Variants in SLC9A9 observed in about 807,000 individuals in gnomAD.
SLC9A9 encodes sodium/hydrogen exchanger 9.
SLC9A9 carries 62 observed loss-of-function variants against 77.8 expected under a neutral mutation model. That is an observed-to-expected ratio of 0.80 (90% CI 0.65 to 0.98). The LOEUF (loss-of-function observed/expected upper bound fraction) is 0.98. Ranked by LOEUF, SLC9A9 falls within the 50% of genes least tolerant of loss-of-function variation. The pLI, the probability that SLC9A9 is intolerant of heterozygous loss-of-function variation, is 0.00. For missense variants in SLC9A9, 775 were observed against 774.9 expected (o/e 1.00, Z 0.00); for synonymous variants, 320 against 283.5 (o/e 1.13, Z -1.29).
At chr3:143,571,001 AT>A (rs1019868394) in intron 8 of SLC9A9, among the ~76,000 whole-genome samples, 2 of 152,018 alleles carry the variant, frequency 1.3e-5, no homozygotes, top group African/African-American at 4.8e-5. Flanking sequence ...GTAGCAGAAC[AT>A]TTTTTTTCAA....
intron 4 of SLC9A9, among the ~76,000 whole-genome samples, chr3:143,782,209 A>G (rs529860581): frequency 1.3e-5 from 2 of 152,342 alleles, no homozygotes; most frequent in East Asian, 3.9e-4. Flanking sequence ...TATGGATTAA[A>G]TGCTGGTTAA....
At chr3:143,401,099 G>A (rs1193679231) in intron 12 of SLC9A9, among the ~76,000 whole-genome samples, 1 of 152,142 alleles carries the variant, frequency 6.6e-6, no homozygotes, top group Non-Finnish European at 1.5e-5. Flanking sequence ...CATCAATTGG[G>A]TTATCGTGCT....
intron 14 of SLC9A9, among the ~76,000 whole-genome samples, chr3:143,289,580 C>A (rs981598039): frequency 6.6e-6 from 1 of 152,152 alleles, no homozygotes; most frequent in Non-Finnish European, 1.5e-5. Context: ...CTACCTCCAA[C>A]TCTTTCCTCT....
intron 4 of SLC9A9, among the ~76,000 whole-genome samples, chr3:143,763,952 G>A (rs1354089104): frequency 6.6e-6 from 1 of 151,916 alleles, no homozygotes; most frequent in Non-Finnish European, 1.5e-5. Context: ...TATTTCCTGG[G>A]TTACCATTAA....
intron 12 of SLC9A9, among the ~76,000 whole-genome samples, chr3:143,395,524 G>T (rs1356304810): frequency 6.6e-6 from 1 of 152,152 alleles, no homozygotes; most frequent in Non-Finnish European, 1.5e-5. Context: ...ATACCATTCA[G>T]AACACAGGCA....
chr3:143,381,118 C>A (rs955039443), intron 13 of SLC9A9, among the ~76,000 whole-genome samples: 1 of 152,168 alleles, frequency 6.6e-6, no homozygotes, highest in Non-Finnish European at 1.5e-5. Context: ...TCTACTTTGA[C>A]GTTAGGTTCA....
At chr3:143,822,494 A>G (rs1338635823) in intron 2 of SLC9A9, among the ~76,000 whole-genome samples, 2 of 152,190 alleles carry the variant, frequency 1.3e-5, no homozygotes, top group Admixed American at 6.5e-5. Flanking sequence ...GGCAAGCTTA[A>G]AAGGCAACAA....
intron 1 of SLC9A9, among the ~76,000 whole-genome samples, chr3:143,839,927 A>G (rs2009665415): frequency 6.6e-6 from 1 of 152,232 alleles, no homozygotes; most frequent in Non-Finnish European, 1.5e-5. Context: ...ACTCTTTAGT[A>G]AAGGGAGATG....
chr3:143,471,423 C>T (rs899488087), intron 11 of SLC9A9, among the ~76,000 whole-genome samples: 2 of 152,084 alleles, frequency 1.3e-5, no homozygotes, highest in Non-Finnish European at 2.9e-5. Context: ...CTTCTTAATG[C>T]TATGGTTTTG....
At chr3:143,546,824 C>G (rs112537862) in intron 9 of SLC9A9, among the ~76,000 whole-genome samples, 1 of 152,156 alleles carries the variant, frequency 6.6e-6, no homozygotes, top group South Asian at 2.1e-4. Flanking sequence ...AAGATATTTT[C>G]TTTGGTCCTA....
intron 11 of SLC9A9, among the ~76,000 whole-genome samples, chr3:143,477,748 A>G (rs1045084241): frequency 6.6e-6 from 1 of 152,202 alleles, no homozygotes; most frequent in African/African-American, 2.4e-5. Flanking sequence ...GTGTCTCTGT[A>G]GAATCACAGA....
At chr3:143,457,693 A>AT (rs2035118798) in intron 12 of SLC9A9, among the ~76,000 whole-genome samples, 1 of 152,052 alleles carries the variant, frequency 6.6e-6, no homozygotes. Context: ...TTCTCTTGAG[A>AT]TTTTATCTTT....
chr3:143,632,643 C>A (rs2038446667), intron 6 of SLC9A9, among the ~76,000 whole-genome samples: 1 of 151,980 alleles, frequency 6.6e-6, no homozygotes, highest in African/African-American at 2.4e-5. Context: ...AAATTGAATA[C>A]CTCTTGAATA....
intron 14 of SLC9A9, among the ~76,000 whole-genome samples, chr3:143,350,311 G>GC (rs1559878446): frequency 6.6e-6 from 1 of 152,044 alleles, no homozygotes; most frequent in Non-Finnish European, 1.5e-5. Flanking sequence ...CATAATTGAG[G>GC]CCCCCGTGAC....
intron 4 of SLC9A9, among the ~76,000 whole-genome samples, chr3:143,745,769 C>T (rs1935186059): frequency 2.6e-5 from 4 of 152,052 alleles, no homozygotes. Flanking sequence ...TAAGGTCCTG[C>T]CTCAAAGAAA....
At chr3:143,368,216 AG>A (rs1262907108) in intron 13 of SLC9A9, among the ~76,000 whole-genome samples, 1 of 152,152 alleles carries the variant, frequency 6.6e-6, no homozygotes, top group African/African-American at 2.4e-5. Flanking sequence ...GTTTTCTTTT[AG>A]GTGATCCCCT....
At chr3:143,733,068 C>T (rs1364804004) in intron 4 of SLC9A9, among the ~76,000 whole-genome samples, 3 of 152,136 alleles carry the variant, frequency 2.0e-5, no homozygotes, top group Non-Finnish European at 4.4e-5. Flanking sequence ...TAATTTCTTT[C>T]ATGAACTATT....
chr3:143,652,962 A>T (rs1460240931), intron 5 of SLC9A9, among the ~76,000 whole-genome samples: 1 of 152,164 alleles, frequency 6.6e-6, no homozygotes, highest in African/African-American at 2.4e-5. Flanking sequence ...CACAGAAAGG[A>T]CTGGGAGCTC....
intron 4 of SLC9A9, among the ~76,000 whole-genome samples, chr3:143,720,475 G>T (rs895119096): frequency 3.3e-5 from 5 of 152,142 alleles, no homozygotes; most frequent in African/African-American, 1.2e-4. Context: ...AATGCCTCCG[G>T]CCTCACTTGC....
Sources: gnomAD v4.1 joint callset for allele counts (sites outside exome capture counted in the v4.1 genomes callset) on GRCh38, gnomAD v4.1.1 for gene constraint, MANE v1.5 for transcripts, NCBI Gene and HGNC (gene_info 2026-07-23, HGNC 2026-07-21) for gene names.